Variants in FAM133B observed in about 807,000 individuals in gnomAD.
The protein encoded by FAM133B is family with sequence similarity 133 member B.
In FAM133B, 25 loss-of-function variants were observed where a neutral mutation model predicts 46.4. The observed-to-expected ratio is 0.54, with a 90% CI of 0.39 to 0.75. The LOEUF (loss-of-function observed/expected upper bound fraction) is 0.75, where lower values mean the gene tolerates loss of function less well. Among genes scored for constraint, FAM133B ranks in the 30% least tolerant of loss-of-function variants. FAM133B has a pLI of 0.00. For missense variants in FAM133B, 205 were observed against 277.6 expected, an observed-to-expected ratio of 0.74 and a Z score of 1.86; for synonymous variants, 75 against 86.0, an observed-to-expected ratio of 0.87 and a Z score of 0.71.
Position 92,583,775 on chromosome 7 carries a change from G to A in FAM133B, c.25-2172C>T, listed in dbSNP as rs532299443. On this transcript the variant is annotated intron_variant, in intron 1 of 10. Transcript: ENST00000445716. Reference sequence around the variant, plus strand: ...TTTTAAAAGACAGGGTCAGCCAGGCGCGGTGGCTCACGCCTGTAATCCTAG... The same window carrying A: ...TTTTAAAAGACAGGGTCAGCCAGGCACGGTGGCTCACGCCTGTAATCCTAG... Among the ~76,000 whole-genome samples, 19 of 151,954 alleles carry A rather than the reference G, an allele frequency of 1.3e-4. No homozygotes were observed. The South Asian group carries it at 3.3e-3, about 27-fold the overall frequency.
At chr7:92,586,420 G>C (rs1190850534) in intron 1 of FAM133B, among the ~76,000 whole-genome samples, 2 of 152,152 alleles carry the variant, frequency 1.3e-5, no homozygotes, top group Admixed American at 1.3e-4. Context: ...AAAGGTACAG[G>C]AGTTTTCATT....
At chr7:92,588,034 A>C (rs1795086199) in intron 1 of FAM133B, among the ~76,000 whole-genome samples, 1 of 152,204 alleles carries the variant, frequency 6.6e-6, no homozygotes. Flanking sequence ...TGAGTGTCAG[A>C]TGACTGAAGT....
chr7:92,563,776 G>C (rs1794228515), intron 10 of FAM133B, among the ~76,000 whole-genome samples: 1 of 152,100 alleles, frequency 6.6e-6, no homozygotes, highest in South Asian at 2.1e-4. Context: ...TTTTGCTTAG[G>C]TCAAAGAATC....
chr7:92,576,860 T>C (rs1406109540), intron 7 of FAM133B, among the ~76,000 whole-genome samples: 1 of 152,142 alleles, frequency 6.6e-6, no homozygotes, highest in Non-Finnish European at 1.5e-5. Context: ...AACTTCTTTA[T>C]GAAAACAGGG....
intron 8 of FAM133B, among the ~76,000 whole-genome samples, chr7:92,574,928 T>A (rs781125962): frequency 0.12 from 16,968 of 144,458 alleles, 1,033 homozygotes; most frequent in Non-Finnish European, 0.13. Context: ...AAAAAAAAAA[T>A]ATGTAAATTC....
chr7:92,582,876 T>C (rs894336862), intron 1 of FAM133B, among the ~76,000 whole-genome samples: 1 of 152,178 alleles, frequency 6.6e-6, no homozygotes, highest in South Asian at 2.1e-4. Context: ...CCCTTTCACA[T>C]TGTTGGTGGG....
chr7:92,581,606 T>TG lies in FAM133B; in HGVS notation c.25-4dup. On this transcript the variant is annotated splice_region_variant and splice_polypyrimidine_tract_variant and intron_variant, in intron 1 of 10. Coordinates refer to ENST00000445716, the MANE Select transcript of FAM133B (RefSeq NM_152789.4). ...ATTGCTATTGGGTTCATATAGGCCT[T>TG]GGGGAAAGAACAACAATTAATCCAT... 3 of 1,612,048 alleles carry TG rather than the reference T, an allele frequency of 1.9e-6. No homozygotes were observed. The highest frequency in any genetic ancestry group is 2.5e-6 in the Non-Finnish European group (3 of 1,178,346).
At chr7:92,565,768 C>A in intron 10 of FAM133B, 1 of 507,942 alleles carries the variant, frequency 2.0e-6, no homozygotes, top group South Asian at 2.5e-5. Flanking sequence ...CAGCCCTGAG[C>A]TTATATTTCT....
intron 9 of FAM133B, among the ~76,000 whole-genome samples, chr7:92,567,515 G>C (rs1414169238): frequency 6.6e-6 from 1 of 152,036 alleles, no homozygotes; most frequent in Non-Finnish European, 1.5e-5. Context: ...AAGCACTAGA[G>C]ATCACAAGCT....
chr7:92,570,759 A>G (rs768560301), intron 8 of FAM133B, among the ~76,000 whole-genome samples: 2 of 152,176 alleles, frequency 1.3e-5, no homozygotes, highest in African/African-American at 4.8e-5. Flanking sequence ...AACAGTGATG[A>G]TCTCTCTATG....
Position 92,577,662 on chromosome 7 carries a change from T to A in FAM133B, c.365A>T (p.Glu122Val). The A allele has an allele frequency of 6.3e-7, 1 of 1,581,426 alleles. No individual in the cohort carries two copies. ...SDSSSSSSDS[E>V]DEDKKQGKRR... is the part of the protein sequence containing the mutation. The stretch of plus-strand genomic sequence containing the variant: ...ATTATAAGCAAACCTTACCTCATCT[T>A]CAGAATCAGAAGAACTGCTGGAAGA... The change falls in exon 6 of 11, where the codon GAA (glutamate) becomes GTA (valine). Residue 122 changes from glutamate (E) to valine (V), a missense_variant. By Grantham distance (121) the Glu-to-Val change is moderately radical (BLOSUM62 -2). Coordinates refer to ENST00000445716, the MANE Select transcript of FAM133B (RefSeq NM_152789.4).
intron 1 of FAM133B, among the ~76,000 whole-genome samples, chr7:92,582,497 A>T (rs1794916889): frequency 6.6e-6 from 1 of 152,228 alleles, no homozygotes. Context: ...TAAACAGAAC[A>T]TCAAAATGTA....
At chr7:92,567,562 C>T (rs975184257) in intron 9 of FAM133B, among the ~76,000 whole-genome samples, 10 of 152,088 alleles carry the variant, frequency 6.6e-5, no homozygotes, top group African/African-American at 2.4e-4. Context: ...CTCTCTTTAC[C>T]GAGCACCTAG....
intron 1 of FAM133B, among the ~76,000 whole-genome samples, chr7:92,588,967 TC>T (rs1795113667): frequency 6.6e-6 from 1 of 152,192 alleles, no homozygotes; most frequent in South Asian, 2.1e-4. Context: ...TAAACACTTT[TC>T]TTTATAAATT....
intron 8 of FAM133B, among the ~76,000 whole-genome samples, chr7:92,575,390 T>C (rs1239821026): frequency 1.3e-5 from 2 of 152,102 alleles, no homozygotes; most frequent in African/African-American, 4.8e-5. Flanking sequence ...GGAAAATCGC[T>C]TGAACCCAGG....
chr7:92,566,946 G>A (rs562917462), intron 9 of FAM133B, among the ~76,000 whole-genome samples: 1 of 152,248 alleles, frequency 6.6e-6, no homozygotes, highest in East Asian at 1.9e-4. Flanking sequence ...GGCAGCGGCT[G>A]GTGCCTGTGA....
chr7:92,586,292 C>T (rs922369951), intron 1 of FAM133B, among the ~76,000 whole-genome samples: 1 of 152,192 alleles, frequency 6.6e-6, no homozygotes, highest in Admixed American at 6.5e-5. Flanking sequence ...TAAAGTGCAT[C>T]TTATGTTCTA....
At chr7:92,565,299 G>A (rs1361061262) in intron 10 of FAM133B, among the ~76,000 whole-genome samples, 2 of 148,926 alleles carry the variant, frequency 1.3e-5, no homozygotes, top group Non-Finnish European at 3.0e-5. Flanking sequence ...ACAGGCGCCC[G>A]CCACCACGCC....
At chr7:92,584,194 G>C (rs1009971237) in intron 1 of FAM133B, among the ~76,000 whole-genome samples, 2 of 151,880 alleles carry the variant, frequency 1.3e-5, no homozygotes, top group East Asian at 3.9e-4. Flanking sequence ...CAACAGGTGT[G>C]AGCCACCGTG....
Sources: gnomAD v4.1 joint callset for allele counts (sites outside exome capture counted in the v4.1 genomes callset) on GRCh38, gnomAD v4.1.1 for gene constraint, MANE v1.5 for transcripts, NCBI Gene and HGNC (gene_info 2026-07-23, HGNC 2026-07-21) for gene names.